Variants in CSMD1 observed in about 807,000 individuals in gnomAD.
The protein encoded by CSMD1 is CUB and sushi domain-containing protein 1.
A neutral mutation model predicts 417.5 loss-of-function variants in CSMD1; 213 were observed. That is an observed-to-expected ratio of 0.51 (90% CI 0.46 to 0.57). The LOEUF (loss-of-function observed/expected upper bound fraction) is 0.57. Among genes scored for constraint, CSMD1 ranks in the 20% least tolerant of loss-of-function variants. The probability of loss-of-function intolerance (pLI) is 0.00; values close to 1 mark genes in which losing one functional copy is unlikely to be tolerated. For synonymous variants in CSMD1, 2,862 were observed against 1,736.8 expected (o/e 1.65, Z -16.11); for missense variants, 6,923 against 4,529.7 (o/e 1.53, Z -15.17).
chr8:4,370,625 C>T (rs531921009), intron 3 of CSMD1, among the ~76,000 whole-genome samples: 1 of 152,186 alleles, frequency 6.6e-6, no homozygotes, highest in Non-Finnish European at 1.5e-5. Context: ...AAGTTTTGTC[C>T]ATTTTTAAAA....
chr8:4,436,325 G>C (rs958868187), intron 2 of CSMD1, among the ~76,000 whole-genome samples: 6 of 151,996 alleles, frequency 3.9e-5, no homozygotes, highest in African/African-American at 9.7e-5. Flanking sequence ...ACTATAAAAG[G>C]ATACTGTCAA....
At chr8:3,197,628 G>T (rs564293368) in intron 33 of CSMD1, among the ~76,000 whole-genome samples, 1 of 151,998 alleles carries the variant, frequency 6.6e-6, no homozygotes, top group South Asian at 2.1e-4. Context: ...ACCACGCCCG[G>T]CTAATTTTTG....
intron 3 of CSMD1, among the ~76,000 whole-genome samples, chr8:4,316,889 G>A (rs1457492775): frequency 6.6e-6 from 1 of 152,104 alleles, no homozygotes; most frequent in Non-Finnish European, 1.5e-5. Context: ...AAATCTTGGG[G>A]TGGGGGAATC....
At chr8:4,394,602 G>A (rs1430638168) in intron 3 of CSMD1, among the ~76,000 whole-genome samples, 4 of 152,120 alleles carry the variant, frequency 2.6e-5, no homozygotes, top group Non-Finnish European at 5.9e-5. Flanking sequence ...GTAGCTGCAG[G>A]AAGGTGAGAT....
chr8:4,234,954 C>T (rs940433970), intron 3 of CSMD1, among the ~76,000 whole-genome samples: 1 of 152,176 alleles, frequency 6.6e-6, no homozygotes, highest in Non-Finnish European at 1.5e-5. Context: ...ATTCTAAGGG[C>T]GGGGTGTTCA....
At chr8:3,801,789 T>G (rs1800473043) in intron 5 of CSMD1, among the ~76,000 whole-genome samples, 1 of 152,110 alleles carries the variant, frequency 6.6e-6, no homozygotes, top group Admixed American at 6.6e-5. Flanking sequence ...ATTTTACGGG[T>G]CATTAAAAAT....
At chr8:3,751,446 T>A (rs1459236957) in intron 6 of CSMD1, among the ~76,000 whole-genome samples, 1 of 148,198 alleles carries the variant, frequency 6.7e-6, no homozygotes, top group East Asian at 1.9e-4. Flanking sequence ...TTTATACATA[T>A]AAATGTTTAT....
intron 1 of CSMD1, among the ~76,000 whole-genome samples, chr8:4,925,281 G>A (rs905068459): frequency 2.6e-4 from 33 of 126,764 alleles, no homozygotes; most frequent in African/African-American, 9.8e-4. Flanking sequence ...GGGCTCAAGA[G>A]TTCAACTTGA....
chr8:4,159,429 C>G (rs529229471), intron 3 of CSMD1, among the ~76,000 whole-genome samples: 1 of 152,238 alleles, frequency 6.6e-6, no homozygotes, highest in East Asian at 1.9e-4. Flanking sequence ...AAGGTATTTG[C>G]ACATGAATGT....
intron 9 of CSMD1, among the ~76,000 whole-genome samples, chr8:3,580,181 C>G (rs147759265): frequency 2.0e-5 from 3 of 151,932 alleles, no homozygotes; most frequent in African/African-American, 7.3e-5. Context: ...GAGGGTATGG[C>G]GGAGAGAGAA....
At chr8:4,755,599 A>C (rs925746592) in intron 1 of CSMD1, among the ~76,000 whole-genome samples, 2 of 152,210 alleles carry the variant, frequency 1.3e-5, no homozygotes, top group African/African-American at 4.8e-5. Flanking sequence ...TGATTTTATC[A>C]GATGGAAAGT....
intron 51 of CSMD1, among the ~76,000 whole-genome samples, chr8:3,027,962 G>A (rs907176046): frequency 3.9e-5 from 6 of 152,150 alleles, no homozygotes; most frequent in African/African-American, 7.2e-5. Flanking sequence ...AATTCTTCGG[G>A]AACGCTGAGT....
chr8:4,228,273 C>T (rs1801484581), intron 3 of CSMD1, among the ~76,000 whole-genome samples: 1 of 152,186 alleles, frequency 6.6e-6, no homozygotes, highest in African/African-American at 2.4e-5. Flanking sequence ...AGTCACAGGC[C>T]CTGGTGCTGC....
intron 6 of CSMD1, among the ~76,000 whole-genome samples, chr8:3,716,583 C>T (rs145445209): frequency 7.0e-4 from 106 of 152,188 alleles, no homozygotes; most frequent in African/African-American, 2.2e-3. Flanking sequence ...AGATTTGCGC[C>T]GGCTTCTTTA....
At chr8:3,578,749 A>T (rs918131837) in intron 9 of CSMD1, among the ~76,000 whole-genome samples, 2 of 152,162 alleles carry the variant, frequency 1.3e-5, no homozygotes, top group African/African-American at 4.8e-5. Context: ...GGGACTGGAC[A>T]ATTTCATAGC....
chr8:3,803,815 G>T (rs149208948), intron 5 of CSMD1, among the ~76,000 whole-genome samples: 1 of 152,180 alleles, frequency 6.6e-6, no homozygotes, highest in Non-Finnish European at 1.5e-5. Flanking sequence ...GTGGAGAATG[G>T]ACCACTGTAG....
rs544923513 is a variant in CSMD1, at chr8:4,129,170, C to G, written c.416-97071G>C. On this transcript the variant is annotated intron_variant, in intron 3 of 69. Transcript: ENST00000635120. ...TACTTATCACCAACACATCCCCAAC[C>G]TCTTCTTCCACTTTCAACATCTACA... Among the ~76,000 whole-genome samples, 6 of 151,228 alleles carry G rather than the reference C, an allele frequency of 4.0e-5. No individual in the cohort carries two copies. In the East Asian group the frequency reaches 1.2e-3, roughly 30 times the overall value.
At chr8:3,418,934 T>G (rs1813321143) in intron 12 of CSMD1, among the ~76,000 whole-genome samples, 1 of 152,214 alleles carries the variant, frequency 6.6e-6, no homozygotes, top group Admixed American at 6.5e-5. Context: ...ATGAAAGGTA[T>G]GCATAATGCA....
intron 3 of CSMD1, among the ~76,000 whole-genome samples, chr8:4,171,627 CA>C (rs1359117603): frequency 6.6e-6 from 1 of 151,086 alleles, no homozygotes; most frequent in Non-Finnish European, 1.5e-5. Flanking sequence ...TTCACTAAGC[CA>C]AATCCCAAAC....
Sources: allele counts gnomAD v4.1 joint callset (sites outside exome capture counted in the v4.1 genomes callset), GRCh38; gene constraint gnomAD v4.1.1; transcripts MANE v1.5; gene names NCBI Gene and HGNC (gene_info 2026-07-23, HGNC 2026-07-21).